The following UNC13A variants were observed in gnomAD, a reference collection of about 807,000 sequenced individuals.
The protein encoded by UNC13A is protein unc-13 homolog A.
UNC13A carries 61 observed loss-of-function variants against 219.7 expected under a neutral mutation model. That is an observed-to-expected ratio of 0.28 (90% CI 0.23 to 0.34). UNC13A has a LOEUF of 0.34. Among genes scored for constraint, UNC13A ranks in the 10% least tolerant of loss-of-function variants. The probability of loss-of-function intolerance (pLI) is 1.00; values close to 1 mark genes in which losing one functional copy is unlikely to be tolerated. For synonymous variants in UNC13A, 920 were observed against 884.6 expected (o/e 1.04, Z -0.71); for missense variants, 1,476 against 2,270.3 (o/e 0.65, Z 7.11).
At chr19:17,619,044 C>T in intron 38 of UNC13A, 82 bp from the exon 39 acceptor site, 1 of 1,363,048 alleles carries the variant, frequency 7.3e-7, no homozygotes, top group Non-Finnish European at 1.0e-6. Flanking sequence ...TTGGTTCTTG[C>T]CCAAAGGCTC....
chr19:17,678,325 A>C (rs1445836458), intron 1 of UNC13A, among the ~76,000 whole-genome samples: 1 of 152,116 alleles, frequency 6.6e-6, no homozygotes, highest in Non-Finnish European at 1.5e-5. Flanking sequence ...CTAAAATAAC[A>C]AAAATTAGCC....
intron 31 of UNC13A, chr19:17,628,315 T>TTTCGGC: frequency 5.1e-6 from 1 of 195,722 alleles, no homozygotes; most frequent in Non-Finnish European, 1.0e-5. Context: ...TGAAGGCGTG[T>TTTCGGC]GCCCTCACCC....
chr19:17,614,475 A>C (rs868821238), intron 41 of UNC13A: 1 of 152,290 alleles, frequency 6.6e-6, no homozygotes, highest in African/African-American at 2.4e-5. Flanking sequence ...TCTGTGACTC[A>C]AAAGGGCATC....
chr19:17,643,290 G>A (rs2076990145), intron 19 of UNC13A, among the ~76,000 whole-genome samples: 1 of 149,148 alleles, frequency 6.7e-6, no homozygotes, highest in Admixed American at 6.8e-5. Flanking sequence ...GGAATTACAG[G>A]CGTGAGTCAC....
At chr19:17,643,726 A>G (rs2076995041) in intron 19 of UNC13A, among the ~76,000 whole-genome samples, 1 of 152,072 alleles carries the variant, frequency 6.6e-6, no homozygotes, top group Admixed American at 6.6e-5. Context: ...TCCTTCAAAC[A>G]AGGATCCCAG....
intron 38 of UNC13A, 68 bp downstream of exon 38, chr19:17,620,625 G>A (rs1292851213): frequency 2.0e-5 from 30 of 1,489,458 alleles, no homozygotes; most frequent in Non-Finnish European, 2.1e-5. Context: ...AGAGGTGGAA[G>A]GGGGCACAGG....
chr19:17,632,296 C>T (rs537778247), intron 28 of UNC13A, among the ~76,000 whole-genome samples: 2 of 152,258 alleles, frequency 1.3e-5, no homozygotes, highest in South Asian at 4.1e-4. Context: ...CTGCCCACTT[C>T]GGCCTCCCAA....
In UNC13A at chr19:17,614,735, G is replaced by A. The variant is rs1366498731; in HGVS notation, c.4559-2880C>T. On this transcript the variant is annotated intron_variant, in intron 41 of 43. Transcript: ENST00000519716. ...CCCCAGTACTGGGGTATGTGGCCCC[G>A]GTCTTTGCTGCACGCCCCAGGCCGT... 4.6e-5 allele frequency among the ~76,000 whole-genome samples: 7 copies of A among 152,174 alleles called. No homozygotes were observed. In the South Asian group the frequency reaches 1.2e-3, roughly 27 times the overall value.
At chr19:17,663,819 A>G (rs1409405355) in intron 7 of UNC13A, among the ~76,000 whole-genome samples, 1 of 151,530 alleles carries the variant, frequency 6.6e-6, no homozygotes, top group Non-Finnish European at 1.5e-5. Context: ...TTTTTGAAAC[A>G]CGGTCTCACT....
chr19:17,610,224 G>A, intron 42 of UNC13A, 125 bp from the exon 43 acceptor site: 2 of 1,296,662 alleles, frequency 1.5e-6, no homozygotes, highest in Non-Finnish European at 2.2e-6. Context: ...CCACCACTTC[G>A]GGAGGCCAAG....
chr19:17,624,409 G>A (rs942704925), intron 35 of UNC13A, among the ~76,000 whole-genome samples: 3 of 151,962 alleles, frequency 2.0e-5, no homozygotes, highest in African/African-American at 4.8e-5. Flanking sequence ...CGTGAGCCAC[G>A]GTGCCTGGCC....
At chr19:17,653,733 GCCTCCCGCCTCGA>G (rs2079395672) in intron 11 of UNC13A, among the ~76,000 whole-genome samples, 2 of 151,440 alleles carry the variant, frequency 1.3e-5, no homozygotes, top group Non-Finnish European at 2.9e-5. Flanking sequence ...GTGCAAGTGA[GCCTCCCGCCTCGA>G]CCTCCCAAAT....
chr19:17,612,024 A>C, intron 41 of UNC13A, 169 bp from the exon 42 acceptor site: 1 of 562,632 alleles, frequency 1.8e-6, no homozygotes, highest in Non-Finnish European at 3.2e-6. Flanking sequence ...GAAGCCAAGA[A>C]TCCTGGGTTC....
intron 35 of UNC13A, among the ~76,000 whole-genome samples, chr19:17,624,548 C>T (rs1432369715): frequency 6.6e-6 from 1 of 152,204 alleles, no homozygotes; most frequent in South Asian, 2.1e-4. Context: ...GGTCTCTTGA[C>T]TCTACCTGAT....
At chr19:17,676,586 C>T (rs1414481631) in intron 1 of UNC13A, among the ~76,000 whole-genome samples, 1 of 152,140 alleles carries the variant, frequency 6.6e-6, no homozygotes, top group Non-Finnish European at 1.5e-5. Context: ...CTCCACCAGC[C>T]CCGACAGGTC....
At chr19:17,639,728 A>G (rs1362701354) in intron 23 of UNC13A, 112 bp downstream of exon 23, 23 of 1,298,510 alleles carry the variant, frequency 1.8e-5, no homozygotes, top group East Asian at 2.4e-5. Flanking sequence ...CTGGAGGAAC[A>G]CATCGTACAT....
At chr19:17,612,545 C>G (rs2076615333) in intron 41 of UNC13A, among the ~76,000 whole-genome samples, 1 of 152,084 alleles carries the variant, frequency 6.6e-6, no homozygotes, top group Non-Finnish European at 1.5e-5. Context: ...CCAGAAAAAT[C>G]CTATTAAGTC....
In UNC13A at chr19:17,603,139, G is replaced by C. The variant is rs1256781439; in HGVS notation, c.*2915C>G. On this transcript the variant is annotated 3_prime_UTR_variant, in exon 44 of 44. Transcript: ENST00000519716. ...TTGCAAAAACAGTTCTAGCCTGGGA[G>C]TCAGGAAAACTCATTCAACAAATAT... is the stretch of plus-strand genomic sequence containing the variant. The C allele has an allele frequency of 6.6e-6, 1 of 152,240 alleles. No homozygotes were observed. The highest frequency in any genetic ancestry group is 2.4e-5 in the African/African-American group (1 of 41,450). 9.4% of individuals were successfully genotyped at this position (152,240 alleles called of 1,614,324 possible). A position where few individuals can be genotyped will look rare whatever the true frequency, so the allele number is the denominator to read the frequency against.
At position 17,604,632 on chromosome 19, in the gene UNC13A, T is replaced by C. The variant is rs1052903525; in HGVS notation, c.*1422A>G. ...CAATCCAGCAGAAAAAGGCGTGCCA[T>C]ACACACATGTGGAAAAGCAGATCCC... On this transcript the variant is annotated 3_prime_UTR_variant, in exon 44 of 44. Coordinates refer to ENST00000519716, the MANE Select transcript of UNC13A (RefSeq NM_001080421.3). The C allele has an allele frequency of 1.3e-5, 2 of 152,298 alleles. No individual in the cohort carries two copies. Among genetic ancestry groups the C allele is most frequent in the Admixed American group, 1.3e-4 (2 of 15,282 alleles). The allele number at this position is 152,298 out of a possible 1,614,324, so 9.4% of individuals were successfully genotyped here.
Sources: gnomAD v4.1 joint callset for allele counts (sites outside exome capture counted in the v4.1 genomes callset) on GRCh38, gnomAD v4.1.1 for gene constraint, MANE v1.5 for transcripts, NCBI Gene and HGNC (gene_info 2026-07-23, HGNC 2026-07-21) for gene names.